The following SGCD variants were observed in gnomAD, a reference collection of about 807,000 sequenced individuals.
The protein encoded by SGCD is sarcoglycan delta.
In SGCD, 18 loss-of-function variants were observed where a neutral mutation model predicts 36.6. The observed-to-expected ratio is 0.49, with a 90% confidence interval of 0.34 to 0.73. The LOEUF (loss-of-function observed/expected upper bound fraction) is 0.73, where lower values mean the gene tolerates loss of function less well. SGCD is among the 30% of genes least tolerant of loss of function. SGCD has a pLI of 0.01. For synonymous variants in SGCD, 133 were observed against 130.6 expected (o/e 1.02, Z -0.12); for missense variants, 387 against 346.7 (o/e 1.12, Z -0.92).
chr5:156,149,210 G>A (rs1471658200), intron 3 of SGCD, among the ~76,000 whole-genome samples: 1 of 152,134 alleles, frequency 6.6e-6, no homozygotes, highest in African/African-American at 2.4e-5. Context: ...ATCACATGCT[G>A]TAAAATGGGG....
intron 3 of SGCD, among the ~76,000 whole-genome samples, chr5:156,267,179 C>T (rs1766023098): frequency 6.6e-6 from 1 of 152,146 alleles, no homozygotes; most frequent in Non-Finnish European, 1.5e-5. Flanking sequence ...GTATTGAGTG[C>T]TTAGCATTAG....
chr5:156,283,262 A>C (rs997159573), intron 3 of SGCD, among the ~76,000 whole-genome samples: 2 of 152,200 alleles, frequency 1.3e-5, no homozygotes, highest in Non-Finnish European at 2.9e-5. Flanking sequence ...TAGCAATTTC[A>C]TTCATAAATT....
chr5:155,776,248 T>C, the SGCD span, among the ~76,000 whole-genome samples: 7 of 152,132 alleles, frequency 4.6e-5, no homozygotes, highest in Admixed American at 1.3e-4. Context: ...CATAGTTCCT[T>C]AGGGGGACTC....
intron 1 of SGCD, among the ~76,000 whole-genome samples, chr5:155,973,664 C>A (rs187268579): frequency 7.2e-5 from 11 of 152,324 alleles, no homozygotes; most frequent in African/African-American, 2.6e-4. Context: ...AATCTGTACT[C>A]ATGAGTTCTC....
At chr5:156,671,143 T>C (rs192415502) in intron 7 of SGCD, among the ~76,000 whole-genome samples, 40 of 151,904 alleles carry the variant, frequency 2.6e-4, no homozygotes, top group Middle Eastern at 6.8e-3. Flanking sequence ...CTATTAATAA[T>C]AGTTTCTCTC....
chr5:156,087,698 T>TGTGGTAC (rs1280940033), intron 1 of SGCD, among the ~76,000 whole-genome samples: 23 of 151,092 alleles, frequency 1.5e-4, no homozygotes, highest in Non-Finnish European at 4.4e-5. Flanking sequence ...GCTTTATGCA[T>TGTGGTAC]GTGGTACATT....
intron 1 of SGCD, among the ~76,000 whole-genome samples, chr5:156,103,478 T>G (rs1410832091): frequency 6.6e-6 from 1 of 152,186 alleles, no homozygotes; most frequent in African/African-American, 2.4e-5. Context: ...AATAAAAAAT[T>G]AAATGTTTCC....
chr5:156,456,921 A>G (rs928283139), intron 3 of SGCD, among the ~76,000 whole-genome samples: 1 of 152,158 alleles, frequency 6.6e-6, no homozygotes, highest in African/African-American at 2.4e-5. Context: ...ACAAAATTTT[A>G]TTTTTCTGTA....
Position 156,008,815 on chromosome 5 carries a change from A to T in SGCD, c.-281-109063A>T, listed in dbSNP as rs573263025. Among the ~76,000 whole-genome samples, 14 of 152,332 alleles carry T rather than the reference A, an allele frequency of 9.2e-5. No homozygotes were observed. In the South Asian group the frequency reaches 2.9e-3, roughly 32 times the overall value. The stretch of plus-strand genomic sequence containing the variant: ...ACATTCTGAGGTACTGGAAATTAGG[A>T]CCTCAATGTATCTTTTGCAGGAGGC... On this transcript the variant is annotated intron_variant, in intron 1 of 9. Transcript: ENST00000517913.
chr5:155,931,089 A>C (rs1161899359), intron 1 of SGCD, among the ~76,000 whole-genome samples: 1 of 152,120 alleles, frequency 6.6e-6, no homozygotes, highest in Non-Finnish European at 1.5e-5. Context: ...TGTTGATGGG[A>C]TATGTTCCTA....
intron 3 of SGCD, among the ~76,000 whole-genome samples, chr5:156,297,729 T>C (rs1334441955): frequency 6.6e-6 from 1 of 151,876 alleles, no homozygotes; most frequent in Non-Finnish European, 1.5e-5. Flanking sequence ...ATGGCACATG[T>C]ATACCTATGT....
At chr5:156,075,298 T>C (rs1760740642) in intron 1 of SGCD, among the ~76,000 whole-genome samples, 1 of 152,100 alleles carries the variant, frequency 6.6e-6, no homozygotes, top group Non-Finnish European at 1.5e-5. Flanking sequence ...GCATATTGAA[T>C]AGTAAAACAT....
At chr5:156,204,725 T>C (rs1764233210) in intron 3 of SGCD, among the ~76,000 whole-genome samples, 1 of 152,132 alleles carries the variant, frequency 6.6e-6, no homozygotes, top group African/African-American at 2.4e-5. Context: ...GGGCACATTA[T>C]GTAACTGGTA....
intron 3 of SGCD, among the ~76,000 whole-genome samples, chr5:156,314,536 T>C (rs1173601756): frequency 2.0e-5 from 3 of 152,052 alleles, no homozygotes; most frequent in East Asian, 1.9e-4. Flanking sequence ...CTAACAATTA[T>C]TATAGTGTCT....
intron 3 of SGCD, among the ~76,000 whole-genome samples, chr5:156,247,098 C>T (rs1458549595): frequency 6.6e-6 from 1 of 152,052 alleles, no homozygotes; most frequent in African/African-American, 2.4e-5. Flanking sequence ...ACCCTGTTGC[C>T]CTGTTAGCCA....
chr5:156,643,424 C>T (rs1763114506), intron 6 of SGCD, among the ~76,000 whole-genome samples: 1 of 151,990 alleles, frequency 6.6e-6, no homozygotes, highest in Non-Finnish European at 1.5e-5. Flanking sequence ...CCACTACAGC[C>T]TCCTGCTTGA....
At position 155,945,987 on chromosome 5, in the gene SGCD, G is replaced by C. The variant is rs186412060; in HGVS notation, c.-282+75563G>C. 2.3e-3 allele frequency among the ~76,000 whole-genome samples: 347 copies of C among 152,302 alleles called. 1 individual carries two copies. Among genetic ancestry groups the C allele is most frequent in the Non-Finnish European group, 2.7e-3 (184 of 68,026 alleles). Reference sequence around the variant, plus strand: ...CATGAAGGGAGGTGGATGGATCGGAGAGATATACGAGGTAAAATGGGCAGA... The same window carrying C: ...CATGAAGGGAGGTGGATGGATCGGACAGATATACGAGGTAAAATGGGCAGA... On this transcript the variant is annotated intron_variant, in intron 1 of 9. Transcript: ENST00000517913.
At chr5:156,339,509 T>G (rs1768533709) in intron 2 of SGCD, among the ~76,000 whole-genome samples, 1 of 152,240 alleles carries the variant, frequency 6.6e-6, no homozygotes, top group East Asian at 1.9e-4. Flanking sequence ...TATTCATTCA[T>G]TGAACAAATG....
intron 7 of SGCD, among the ~76,000 whole-genome samples, chr5:156,754,915 T>G (rs1467821451): frequency 2.0e-5 from 3 of 152,218 alleles, no homozygotes; most frequent in Non-Finnish European, 4.4e-5. Context: ...GTAGAACATA[T>G]TCTACAAGTT....
Sources: gnomAD v4.1 joint callset for allele counts (sites outside exome capture counted in the v4.1 genomes callset) on GRCh38, gnomAD v4.1.1 for gene constraint, MANE v1.5 for transcripts, NCBI Gene and HGNC (gene_info 2026-07-23, HGNC 2026-07-21) for gene names.